CALD1: variants seen among roughly 807,000 people sequenced by gnomAD.
CALD1 encodes the protein caldesmon 1.
In CALD1, 33 loss-of-function variants were observed where a neutral mutation model predicts 99.9. That is an observed-to-expected ratio of 0.33 (90% CI 0.25 to 0.44). The LOEUF (loss-of-function observed/expected upper bound fraction) is 0.44, where lower values mean the gene tolerates loss of function less well. Among genes scored for constraint, CALD1 ranks in the 20% least tolerant of loss-of-function variants. The pLI is 1.00. For synonymous variants in CALD1, 310 were observed against 325.0 expected (o/e 0.95, Z 0.50); for missense variants, 861 against 962.1 (o/e 0.89, Z 1.39).
chr7:134,932,592 C>T (rs1163796479), intron 4 of CALD1, among the ~76,000 whole-genome samples: 5 of 152,222 alleles, frequency 3.3e-5, no homozygotes, highest in Non-Finnish European at 4.4e-5. Flanking sequence ...TGACCAAGCA[C>T]ATCACCACTG....
intron 3 of CALD1, among the ~76,000 whole-genome samples, chr7:134,924,007 G>T (rs1563099550): frequency 6.6e-6 from 1 of 152,106 alleles, no homozygotes; most frequent in Non-Finnish European, 1.5e-5. Flanking sequence ...TAGAAAATTG[G>T]TTAGTCATAA....
At chr7:134,833,214 T>C (rs9690831) in intron 1 of CALD1, among the ~76,000 whole-genome samples, 2,083 of 152,320 alleles carry the variant, frequency 0.014, 47 homozygotes, top group African/African-American at 0.047. Flanking sequence ...GTGAAACTTC[T>C]GGTTTTGGGG....
upstream of CALD1, among the ~76,000 whole-genome samples, chr7:134,779,093 T>C (rs189205213): frequency 3.7e-4 from 57 of 152,280 alleles, no homozygotes; most frequent in East Asian, 8.1e-3. Context: ...TGCATAACAA[T>C]TTAAACTCAT....
At chr7:134,924,310 A>G (rs772020626) in intron 3 of CALD1, among the ~76,000 whole-genome samples, 1 of 152,102 alleles carries the variant, frequency 6.6e-6, no homozygotes, top group Admixed American at 6.6e-5. Flanking sequence ...GTTTGGTTTT[A>G]AAAAAAATTT....
the CALD1 span, among the ~76,000 whole-genome samples, chr7:134,711,871 A>G: frequency 6.6e-6 from 1 of 151,570 alleles, no homozygotes; most frequent in Non-Finnish European, 1.5e-5. Flanking sequence ...GGCTCAGGCA[A>G]GGTTGGTGGA....
At chr7:134,813,965 C>T (rs1798459053) in intron 1 of CALD1, among the ~76,000 whole-genome samples, 1 of 151,976 alleles carries the variant, frequency 6.6e-6, no homozygotes, top group Non-Finnish European at 1.5e-5. Context: ...ACTAAGAGGC[C>T]AGGGTATTAG....
intron 3 of CALD1, among the ~76,000 whole-genome samples, chr7:134,883,873 C>T (rs925238249): frequency 5.9e-5 from 9 of 151,944 alleles, no homozygotes; most frequent in Admixed American, 6.6e-5. Context: ...TTTGGGAGGC[C>T]GAGGCGGGTG....
intron 3 of CALD1, among the ~76,000 whole-genome samples, chr7:134,895,566 A>G (rs1214515854): frequency 6.6e-6 from 1 of 152,128 alleles, no homozygotes; most frequent in Non-Finnish European, 1.5e-5. Flanking sequence ...TCTAATACCT[A>G]TTAATGCATC....
At chr7:134,750,011 T>C (rs1187985835) in intron 1 of CALD1, among the ~76,000 whole-genome samples, 1 of 152,080 alleles carries the variant, frequency 6.6e-6, no homozygotes, top group East Asian at 1.9e-4. Flanking sequence ...CTGGTGTTGG[T>C]GTCTCTGAAC....
At chr7:134,814,995 GATTGGCCTAC>G (rs1343810112) in intron 1 of CALD1, among the ~76,000 whole-genome samples, 1 of 152,166 alleles carries the variant, frequency 6.6e-6, no homozygotes, top group East Asian at 1.9e-4. Flanking sequence ...TAGATTTTGG[GATTGGCCTAC>G]ATTGGCCCCT....
At chr7:134,848,721 C>A (rs1408942701) in intron 2 of CALD1, among the ~76,000 whole-genome samples, 1 of 152,134 alleles carries the variant, frequency 6.6e-6, no homozygotes. Flanking sequence ...GATTTTGAAT[C>A]TGATTTCACA....
At chr7:134,952,764 C>T (rs1028585965) in intron 9 of CALD1, among the ~76,000 whole-genome samples, 7 of 152,172 alleles carry the variant, frequency 4.6e-5, no homozygotes, top group East Asian at 3.9e-4. Flanking sequence ...CCACCATGCC[C>T]GGCTCACTTA....
intron 9 of CALD1, among the ~76,000 whole-genome samples, chr7:134,954,202 T>TC (rs1423878163): frequency 2.6e-5 from 4 of 152,236 alleles, no homozygotes; most frequent in African/African-American, 9.6e-5. Flanking sequence ...ACCTAGTTTT[T>TC]CATCATTAAA....
chr7:134,719,452 T>C, the CALD1 span, among the ~76,000 whole-genome samples: 1 of 152,042 alleles, frequency 6.6e-6, no homozygotes, highest in South Asian at 2.1e-4. Context: ...GCACCCAGGG[T>C]GAAGCCTAGG....
chr7:134,887,865 T>A (rs747640014), intron 3 of CALD1, among the ~76,000 whole-genome samples: 1 of 151,870 alleles, frequency 6.6e-6, no homozygotes, highest in Non-Finnish European at 1.5e-5. Context: ...TGTGTGTGCA[T>A]GTGTGTCTGT....
intron 3 of CALD1, among the ~76,000 whole-genome samples, chr7:134,874,807 T>A (rs915083206): frequency 1.3e-5 from 2 of 152,218 alleles, no homozygotes; most frequent in Non-Finnish European, 1.5e-5. Flanking sequence ...ATATTTTTAC[T>A]ACACTATAAA....
At chr7:134,946,600 T>C (rs1268953242) in intron 7 of CALD1, among the ~76,000 whole-genome samples, 2 of 152,210 alleles carry the variant, frequency 1.3e-5, no homozygotes, top group African/African-American at 2.4e-5. Flanking sequence ...ATTTCCGTGA[T>C]TGGCTTATTT....
At chr7:134,947,169 G>GT (rs1295950633) in intron 7 of CALD1, among the ~76,000 whole-genome samples, 4 of 151,804 alleles carry the variant, frequency 2.6e-5, no homozygotes, top group Non-Finnish European at 5.9e-5. Flanking sequence ...TTTTAGAAGT[G>GT]TATCAGAAGT....
chr7:134,747,516 G>C (rs1312889436), intron 1 of CALD1, among the ~76,000 whole-genome samples: 1 of 152,220 alleles, frequency 6.6e-6, no homozygotes, highest in Non-Finnish European at 1.5e-5. Context: ...CGAGACAATG[G>C]ATTAAGAATG....
Sources: allele counts gnomAD v4.1 joint callset (sites outside exome capture counted in the v4.1 genomes callset), GRCh38; gene constraint gnomAD v4.1.1; transcripts MANE v1.5; gene names NCBI Gene and HGNC (gene_info 2026-07-23, HGNC 2026-07-21).